SUGCT: variants seen among roughly 807,000 people sequenced by gnomAD.
SUGCT encodes succinyl-CoA:glutarate-CoA transferase.
Under a neutral mutation model 55.0 loss-of-function variants are expected in SUGCT, and 41 were observed. The observed-to-expected ratio is 0.74, with a 90% CI of 0.58 to 0.97. The LOEUF is 0.97. SUGCT is among the 50% of genes least tolerant of loss of function. The pLI is 0.00. For synonymous variants in SUGCT, 187 were observed against 200.4 expected (o/e 0.93, Z 0.56); for missense variants, 568 against 547.8 (o/e 1.04, Z -0.37).
At chr7:40,234,515 T>C (rs1788900409) in intron 6 of SUGCT, among the ~76,000 whole-genome samples, 1 of 152,250 alleles carries the variant, frequency 6.6e-6, no homozygotes, top group East Asian at 1.9e-4. Context: ...TTTGTTCTTC[T>C]AAAGACTGAG....
chr7:40,592,963 A>G (rs1797807980), intron 12 of SUGCT, among the ~76,000 whole-genome samples: 1 of 152,202 alleles, frequency 6.6e-6, no homozygotes, highest in Non-Finnish European at 1.5e-5. Context: ...ACTAAGTGAA[A>G]TATCCTGTTT....
At chr7:40,700,168 C>T (rs1423825188) in intron 12 of SUGCT, among the ~76,000 whole-genome samples, 1 of 152,144 alleles carries the variant, frequency 6.6e-6, no homozygotes, top group Non-Finnish European at 1.5e-5. Context: ...TTCTGGGACT[C>T]TTAAGATGCT....
intron 1 of SUGCT, among the ~76,000 whole-genome samples, chr7:40,141,339 G>A (rs1284257179): frequency 1.3e-5 from 2 of 151,874 alleles, no homozygotes; most frequent in African/African-American, 4.8e-5. Flanking sequence ...TTATGCATGA[G>A]AGTGTGCTTC....
At chr7:40,994,580 A>C in the SUGCT span, among the ~76,000 whole-genome samples, 1 of 152,214 alleles carries the variant, frequency 6.6e-6, no homozygotes, top group Non-Finnish European at 1.5e-5. Context: ...CAAACCAGGA[A>C]ATGCAGGGCC....
intron 11 of SUGCT, among the ~76,000 whole-genome samples, chr7:40,468,323 CT>C (rs1790229691): frequency 6.6e-6 from 1 of 152,004 alleles, no homozygotes; most frequent in Admixed American, 6.6e-5. Context: ...TAAGTAATAT[CT>C]GTAATTTCCT....
intron 7 of SUGCT, among the ~76,000 whole-genome samples, chr7:40,245,424 T>TATATATATATATATATATATATA (rs59609393): frequency 5.7e-3 from 66 of 11,570 alleles, no homozygotes; most frequent in East Asian, 0.02. Context: ...TATATATATA[T>TATATATATATATATATATATATA]TTTTTTTTTT....
chr7:40,448,924 ATG>A (rs778913706), intron 9 of SUGCT, among the ~76,000 whole-genome samples: 2,066 of 144,846 alleles, frequency 0.014, 19 homozygotes, highest in East Asian at 0.029. Flanking sequence ...GTGTGTATAT[ATG>A]TGTGTGTGTG....
chr7:40,949,789 G>C, the SUGCT span, among the ~76,000 whole-genome samples: 1 of 151,958 alleles, frequency 6.6e-6, no homozygotes, highest in African/African-American at 2.4e-5. Flanking sequence ...ATTTCTGAGG[G>C]CTCTGTTCTG....
intron 1 of SUGCT, chr7:40,152,565 C>T (rs925824201): frequency 7.0e-5 from 14 of 198,592 alleles, no homozygotes; most frequent in Middle Eastern, 6.0e-4. Flanking sequence ...TGTCCGAGAT[C>T]GGTTGATAAC....
intron 12 of SUGCT, among the ~76,000 whole-genome samples, chr7:40,506,959 T>G (rs959482037): frequency 2.6e-5 from 4 of 152,220 alleles, no homozygotes; most frequent in African/African-American, 9.6e-5. Flanking sequence ...TACCTTCCTT[T>G]ACTTCTTTAG....
chr7:40,517,086 A>T (rs1437040659), intron 12 of SUGCT, among the ~76,000 whole-genome samples: 1 of 151,790 alleles, frequency 6.6e-6, no homozygotes, highest in African/African-American at 2.4e-5. Context: ...TCTTTTTGAT[A>T]CTATTGTAAA....
chr7:40,647,459 T>A (rs973420193), intron 12 of SUGCT, among the ~76,000 whole-genome samples: 1 of 152,198 alleles, frequency 6.6e-6, no homozygotes, highest in Admixed American at 6.5e-5. Flanking sequence ...CTTATTATTC[T>A]TATTGAATAT....
intron 3 of SUGCT, among the ~76,000 whole-genome samples, chr7:40,186,213 C>A (rs1199695687): frequency 6.6e-5 from 9 of 135,454 alleles, no homozygotes; most frequent in Non-Finnish European, 9.6e-5. Flanking sequence ...CTCCCCTTCC[C>A]TCCTCTCCCC....
intron 12 of SUGCT, among the ~76,000 whole-genome samples, chr7:40,738,089 C>G (rs932772992): frequency 3.4e-5 from 5 of 146,996 alleles, no homozygotes; most frequent in African/African-American, 1.3e-4. Flanking sequence ...CCCAGCTACT[C>G]AGGAGGCTGA....
At position 40,193,280 on chromosome 7, in the gene SUGCT, GT is replaced by G. The variant is rs752659107; in HGVS notation, c.364-1638del. 2.2e-3 allele frequency among the ~76,000 whole-genome samples: 191 copies of G among 87,168 alleles called. 6 individuals are homozygous for G. Among genetic ancestry groups the G allele is most frequent in the Non-Finnish European group, 2.7e-3 (131 of 47,954 alleles). The allele number at this position is 87,168 out of a possible 152,430, so 57.2% of individuals were successfully genotyped here. A position where few individuals can be genotyped will look rare whatever the true frequency, so the allele number is the denominator to read the frequency against. ...GCTATTTGGCCTGGCCAATTACTGTGTTTTTTTTTTTTTTTTTTTTTTGAGA... is the reference window on the plus strand; with the variant it reads ...GCTATTTGGCCTGGCCAATTACTGTGTTTTTTTTTTTTTTTTTTTTTGAGA... On this transcript the variant is annotated intron_variant, in intron 5 of 13. Transcript: ENST00000335693.
At position 40,200,701 on chromosome 7, in the gene SUGCT, A is replaced by G. The variant is rs568439005; in HGVS notation, c.484+5641A>G. On this transcript the variant is annotated intron_variant, in intron 6 of 13. Coordinates refer to ENST00000335693, the MANE Select transcript of SUGCT (RefSeq NM_001193313.2). ...GTCTGAGCAGTGGAGGGGTAGGATC[A>G]TAATCTTTAAAAGAAGTAGGATTTT... Among the ~76,000 whole-genome samples the G allele has an allele frequency of 3.9e-4, 60 of 152,266 alleles. 1 individual carries two copies. Among genetic ancestry groups the G allele is most frequent in the Admixed American group, 1.6e-3 (25 of 15,278 alleles).
intron 8 of SUGCT, among the ~76,000 whole-genome samples, chr7:40,308,956 G>T (rs1794990094): frequency 6.6e-6 from 1 of 152,170 alleles, no homozygotes; most frequent in Admixed American, 6.5e-5. Flanking sequence ...GTTGCAATGA[G>T]AGATTGTGCC....
At chr7:40,259,599 A>G (rs530230792) in intron 7 of SUGCT, among the ~76,000 whole-genome samples, 1 of 152,348 alleles carries the variant, frequency 6.6e-6, no homozygotes, top group African/African-American at 2.4e-5. Flanking sequence ...ACATGGTTGT[A>G]AAGTGATGGT....
At chr7:40,657,814 C>G (rs547707706) in intron 12 of SUGCT, among the ~76,000 whole-genome samples, 14 of 152,262 alleles carry the variant, frequency 9.2e-5, no homozygotes, top group South Asian at 2.1e-4. Flanking sequence ...AATTACAGGC[C>G]TGAGCCACTG....
Sources: gnomAD v4.1 joint callset for allele counts (sites outside exome capture counted in the v4.1 genomes callset) on GRCh38, gnomAD v4.1.1 for gene constraint, MANE v1.5 for transcripts, NCBI Gene and HGNC (gene_info 2026-07-23, HGNC 2026-07-21) for gene names.